Variants in DNM1L observed in about 807,000 individuals in gnomAD.
The protein encoded by DNM1L is dynamin 1L, also known as dynamin-1-like protein.
In DNM1L, 33 loss-of-function variants were observed where a neutral mutation model predicts 92.8. The ratio of observed to expected loss-of-function variants is 0.36; its 90% confidence interval spans 0.27 to 0.48. The LOEUF (loss-of-function observed/expected upper bound fraction) is 0.48, where lower values mean the gene tolerates loss of function less well. DNM1L is among the 20% of genes least tolerant of loss of function. The probability of loss-of-function intolerance (pLI) is 0.99; values close to 1 mark genes in which losing one functional copy is unlikely to be tolerated. For missense variants in DNM1L, 485 were observed against 888.8 expected (o/e 0.55, Z 5.78); for synonymous variants, 284 against 305.0 (o/e 0.93, Z 0.72).
chr12:32,683,412 C>T (rs1013114864), intron 1 of DNM1L, among the ~76,000 whole-genome samples: 3 of 151,644 alleles, frequency 2.0e-5, no homozygotes, highest in African/African-American at 7.3e-5. Flanking sequence ...AAATCGCTGC[C>T]TTACTATGTT....
Position 32,742,719 on chromosome 12 carries a change from C to T in DNM1L, c.2125C>T (p.Arg709Cys), listed in dbSNP as rs558042817. ...GACAGAATCTGAGGACATGGCACAG[C>T]GCAGGAAAGAAGCAGCTGATATGCT... ...LLTESEDMAQ[R>C]RKEAADMLKA... Residue 709 changes from arginine to cysteine, a missense_variant, in exon 19 of 20, where the codon CGC (arginine) becomes TGC (cysteine). Physicochemically the swap from Arg to Cys is radical, Grantham distance 180. Coordinates refer to ENST00000549701, the MANE Select transcript of DNM1L (RefSeq NM_012062.5). 9 of 1,613,822 alleles carry T rather than the reference C, an allele frequency of 5.6e-6. No individual in the cohort carries two copies. Among genetic ancestry groups the T allele is most frequent in the East Asian group, 2.2e-5 (1 of 44,848 alleles).
At position 32,743,686 on chromosome 12, in the gene DNM1L, G is replaced by A. The variant is rs1230326874; in HGVS notation, c.*276G>A. ...ATCTGAACTTAACTTAAAAACAACTGTTAATGTTCTAGTTGTGCAAAGCAG... is the reference window on the plus strand; with the variant it reads ...ATCTGAACTTAACTTAAAAACAACTATTAATGTTCTAGTTGTGCAAAGCAG... On this transcript the variant is annotated 3_prime_UTR_variant, in exon 20 of 20. Transcript: ENST00000549701. 6.6e-6 allele frequency: 3 copies of A among 452,268 alleles called. No homozygotes were observed. Among genetic ancestry groups the A allele is most frequent in the Non-Finnish European group, 1.2e-5 (3 of 250,482 alleles). 28.0% of individuals were successfully genotyped at this position (452,268 alleles called of 1,614,324 possible).
chr12:32,695,540 C>T (rs1019983461), intron 1 of DNM1L, among the ~76,000 whole-genome samples: 1 of 152,158 alleles, frequency 6.6e-6, no homozygotes, highest in African/African-American at 2.4e-5. Flanking sequence ...GAGGCTGAGG[C>T]AGGAGGATTC....
chr12:32,718,668 T>C lies in DNM1L; in HGVS notation c.645T>C (p.Thr215=), dbSNP rs1953662464. ...GTCGCAGAACCCTAGCTGTAATCAC[T>C]AAACTTGATCTCATGGATGCGGGTA... ...PDGRRTLAVI[T]KLDLMDAGTD... Residue 215 remains threonine (T), a synonymous_variant, in exon 7 of 20, where the codon ACT becomes ACC. Coordinates refer to ENST00000549701, the MANE Select transcript of DNM1L (RefSeq NM_012062.5). 6.2e-7 allele frequency: 1 copy of C among 1,614,024 alleles called. No homozygotes were observed. The highest frequency in any genetic ancestry group is 1.3e-5 in the African/African-American group (1 of 75,044).
intron 4 of DNM1L, among the ~76,000 whole-genome samples, chr12:32,708,494 C>G (rs1176419465): frequency 6.6e-6 from 1 of 152,064 alleles, no homozygotes; most frequent in African/African-American, 2.4e-5. Flanking sequence ...TTGTTCCTGT[C>G]ATGTACATGC....
At chr12:32,709,365 A>G (rs2137349300) in intron 4 of DNM1L, among the ~76,000 whole-genome samples, 1 of 152,262 alleles carries the variant, frequency 6.6e-6, no homozygotes, top group Middle Eastern at 3.4e-3. Flanking sequence ...CCATTTACTT[A>G]CTGAACTCAG....
chr12:32,726,494 CTCA>C (rs1167054298), intron 9 of DNM1L: 12 of 1,054,374 alleles, frequency 1.1e-5, no homozygotes, highest in South Asian at 2.5e-5. Context: ...CTTCATCATA[CTCA>C]TCATCATCAT....
At chr12:32,698,369 GGAGCCTTGGGCTGGC>G (rs1952557355) in intron 1 of DNM1L, among the ~76,000 whole-genome samples, 1 of 152,170 alleles carries the variant, frequency 6.6e-6, no homozygotes. Context: ...TCTGTATGTA[GGAGCCTTGGGCTGGC>G]TGGCTGTGTC....
intron 9 of DNM1L, chr12:32,722,836 CAT>C (rs767858628): frequency 1.6e-4 from 44 of 279,240 alleles, no homozygotes; most frequent in Non-Finnish European, 2.2e-4. Context: ...AAAATTGTCA[CAT>C]ATTTTTAAAT....
chr12:32,731,546 CTAGAAAA>C lies in DNM1L; in HGVS notation c.1356+36_1356+42del. Reference sequence around the variant, plus strand: ...AGAAATGTAACAGGTTTCACATGAACTAGAAAAGGACATGAAGTGGTGGTTTCACTGG... The same window carrying C: ...AGAAATGTAACAGGTTTCACATGAACGGACATGAAGTGGTGGTTTCACTGG... On this transcript the variant is annotated intron_variant, in intron 11 of 19. Coordinates refer to ENST00000549701, the MANE Select transcript of DNM1L (RefSeq NM_012062.5). This position sits in a 1 kb window ranked among gnomAD's most constrained non-coding sequence, Gnocchi z 5.1. The C allele has an allele frequency of 6.2e-7, 1 of 1,612,316 alleles. No individual in the cohort carries two copies. The highest frequency in any genetic ancestry group is 8.5e-7 in the Non-Finnish European group (1 of 1,179,648).
chr12:32,698,442 G>A (rs969257378), intron 1 of DNM1L, among the ~76,000 whole-genome samples: 2 of 152,176 alleles, frequency 1.3e-5, no homozygotes, highest in African/African-American at 4.8e-5. Flanking sequence ...GGTGATGAGA[G>A]CTGTTCTCTT....
intron 2 of DNM1L, among the ~76,000 whole-genome samples, chr12:32,702,732 C>G (rs1405987059): frequency 6.6e-6 from 1 of 151,776 alleles, no homozygotes; most frequent in African/African-American, 2.4e-5. Context: ...TCTGCTATGA[C>G]TCTAGAATGT....
At chr12:32,685,453 C>G (rs1951971511) in intron 1 of DNM1L, among the ~76,000 whole-genome samples, 1 of 151,542 alleles carries the variant, frequency 6.6e-6, no homozygotes, top group African/African-American at 2.4e-5. Flanking sequence ...CTCTGCCTCC[C>G]AGGCTCAAGG....
chr12:32,707,316 A>G, intron 2 of DNM1L, 51 bp from the exon 3 acceptor site: 3 of 1,454,106 alleles, frequency 2.1e-6, no homozygotes, highest in Non-Finnish European at 2.9e-6. Context: ...ATTCCTAAAG[A>G]TAAAAAGTAG....
chr12:32,694,898 A>T (rs1174123407), intron 1 of DNM1L, among the ~76,000 whole-genome samples: 1 of 152,200 alleles, frequency 6.6e-6, no homozygotes, highest in East Asian at 1.9e-4. Context: ...ACCAGCTGAA[A>T]TGGGAATTTG....
intron 1 of DNM1L, among the ~76,000 whole-genome samples, chr12:32,692,097 TATTC>T (rs1394399549): frequency 6.6e-6 from 1 of 152,232 alleles, no homozygotes; most frequent in East Asian, 1.9e-4. Context: ...TAAAATTCTG[TATTC>T]ATTCATACTA....
intron 17 of DNM1L, 23 bp downstream of exon 17, chr12:32,740,263 A>G: frequency 6.2e-7 from 1 of 1,614,214 alleles, no homozygotes; most frequent in Non-Finnish European, 8.5e-7. Context: ...AATTTGGTTT[A>G]GGTAATAAGG....
chr12:32,700,490 G>C (rs1432241123), intron 1 of DNM1L, among the ~76,000 whole-genome samples: 1 of 151,840 alleles, frequency 6.6e-6, no homozygotes, highest in African/African-American at 2.4e-5. Context: ...GTTCATGCCT[G>C]TAATCCCAGC....
intron 6 of DNM1L, among the ~76,000 whole-genome samples, chr12:32,717,383 A>AATAGTATAT (rs1555120735): frequency 2.3e-5 from 2 of 86,534 alleles, no homozygotes; most frequent in South Asian, 2.7e-4. Flanking sequence ...TACTATATAT[A>AATAGTATAT]ATATATAGTA....
Sources: allele counts gnomAD v4.1 joint callset (sites outside exome capture counted in the v4.1 genomes callset), GRCh38; gene constraint gnomAD v4.1.1; non-coding constraint Gnocchi (gnomAD v3.1); transcripts MANE v1.5; gene names NCBI Gene and HGNC (gene_info 2026-07-23, HGNC 2026-07-21).